PTPRD: variants seen among roughly 807,000 people sequenced by gnomAD.
PTPRD encodes protein tyrosine phosphatase receptor type D.
A neutral mutation model predicts 214.5 loss-of-function variants in PTPRD; 34 were observed. The ratio of observed to expected loss-of-function variants is 0.16; its 90% CI spans 0.12 to 0.21. The LOEUF is 0.21. Among genes scored for constraint, PTPRD ranks in the 10% least tolerant of loss-of-function variants. The pLI is 1.00. For synonymous variants in PTPRD, 1,128 were observed against 845.7 expected (o/e 1.33, Z -5.79); for missense variants, 2,545 against 2,398.7 (o/e 1.06, Z -1.27).
chr9:9,643,367 G>T (rs1226043665), intron 7 of PTPRD, among the ~76,000 whole-genome samples: 6 of 152,200 alleles, frequency 3.9e-5, no homozygotes, highest in African/African-American at 1.4e-4. Context: ...ATTAAAAAAA[G>T]AACATAGGGC....
chr9:8,934,305 C>G (rs148653582), intron 11 of PTPRD, among the ~76,000 whole-genome samples: 11 of 147,826 alleles, frequency 7.4e-5, no homozygotes, highest in Non-Finnish European at 1.3e-4. Flanking sequence ...CTTGAACTAC[C>G]GAAATCAAGC....
chr9:9,546,982 A>T (rs2078951770), intron 8 of PTPRD, among the ~76,000 whole-genome samples: 1 of 151,942 alleles, frequency 6.6e-6, no homozygotes, highest in South Asian at 2.1e-4. Flanking sequence ...AAAAAAAATA[A>T]AAATAAAAAG....
chr9:9,565,132 T>G (rs1326794729), intron 8 of PTPRD, among the ~76,000 whole-genome samples: 1 of 151,744 alleles, frequency 6.6e-6, no homozygotes, highest in African/African-American at 2.4e-5. Flanking sequence ...CTAATATGTG[T>G]AAAAGGTTTT....
intron 2 of PTPRD, among the ~76,000 whole-genome samples, chr9:10,519,778 T>C (rs1208738484): frequency 6.6e-6 from 1 of 152,130 alleles, no homozygotes; most frequent in Non-Finnish European, 1.5e-5. Flanking sequence ...AGAGAATCTT[T>C]GATGTTACTA....
intron 8 of PTPRD, among the ~76,000 whole-genome samples, chr9:9,565,320 T>C (rs1303579954): frequency 3.9e-5 from 6 of 151,938 alleles, no homozygotes; most frequent in Non-Finnish European, 8.8e-5. Flanking sequence ...AATTAACATT[T>C]ATAGACTATG....
chr9:10,185,961 GT>G (rs1256110058), intron 3 of PTPRD, among the ~76,000 whole-genome samples: 1 of 152,048 alleles, frequency 6.6e-6, no homozygotes, highest in Non-Finnish European at 1.5e-5. Flanking sequence ...AGAGCCTTTT[GT>G]TTGTCAACAT....
chr9:9,908,300 G>C (rs371770995), intron 5 of PTPRD, among the ~76,000 whole-genome samples: 54 of 151,970 alleles, frequency 3.6e-4, no homozygotes, highest in African/African-American at 1.2e-3. Context: ...CACACTAATA[G>C]TATCAATAGC....
At chr9:9,138,357 G>A (rs563234289) in intron 10 of PTPRD, among the ~76,000 whole-genome samples, 1 of 152,082 alleles carries the variant, frequency 6.6e-6, no homozygotes. Context: ...ACACAAAGAA[G>A]TTCTCAATGA....
chr9:9,101,079 G>A (rs2099790595), intron 10 of PTPRD, among the ~76,000 whole-genome samples: 1 of 132,700 alleles, frequency 7.5e-6, no homozygotes, highest in Admixed American at 8.3e-5. Context: ...TATGAAATCT[G>A]AACCAATTGG....
At chr9:9,332,624 G>C (rs1048008519) in intron 9 of PTPRD, among the ~76,000 whole-genome samples, 1 of 151,180 alleles carries the variant, frequency 6.6e-6, no homozygotes. Context: ...CTCTCCCCAG[G>C]ATTACGTTGT....
chr9:9,756,941 T>C (rs2098591613), intron 6 of PTPRD, among the ~76,000 whole-genome samples: 1 of 152,240 alleles, frequency 6.6e-6, no homozygotes, highest in Admixed American at 6.5e-5. Flanking sequence ...AATTACTTTT[T>C]CTGTGAAGCT....
chr9:9,914,857 G>C (rs1389535553), intron 5 of PTPRD, among the ~76,000 whole-genome samples: 3 of 152,040 alleles, frequency 2.0e-5, no homozygotes, highest in African/African-American at 7.3e-5. Flanking sequence ...TATGTCATGG[G>C]CCTGCAAAAC....
At chr9:10,603,048 G>C (rs1025300186) in intron 2 of PTPRD, among the ~76,000 whole-genome samples, 1 of 151,766 alleles carries the variant, frequency 6.6e-6, no homozygotes, top group African/African-American at 2.4e-5. Flanking sequence ...GTACAACAAG[G>C]TGTTTAAGGA....
intron 5 of PTPRD, among the ~76,000 whole-genome samples, chr9:9,862,118 T>A (rs530280763): frequency 6.6e-6 from 1 of 152,300 alleles, no homozygotes; most frequent in South Asian, 2.1e-4. Context: ...ACAAGATGGT[T>A]TGCTTCAAAA....
chr9:8,807,736 G>T (rs1414492924), intron 11 of PTPRD, among the ~76,000 whole-genome samples: 2 of 151,930 alleles, frequency 1.3e-5, no homozygotes, highest in South Asian at 4.2e-4. Context: ...TTCAGAACTT[G>T]ATCTTACTAA....
At chr9:9,321,813 T>G (rs993955370) in intron 9 of PTPRD, among the ~76,000 whole-genome samples, 1 of 152,118 alleles carries the variant, frequency 6.6e-6, no homozygotes, top group Non-Finnish European at 1.5e-5. Context: ...GAGGATTAAA[T>G]GAGATAATTC....
chr9:10,443,832 AT>A (rs1291657331), intron 2 of PTPRD, among the ~76,000 whole-genome samples: 1 of 148,160 alleles, frequency 6.7e-6, no homozygotes, highest in Non-Finnish European at 1.5e-5. Flanking sequence ...ACACAGAGCT[AT>A]TTACCTCAAA....
At chr9:8,733,469 A>C (rs986872913) in intron 12 of PTPRD, among the ~76,000 whole-genome samples, 12 of 152,164 alleles carry the variant, frequency 7.9e-5, no homozygotes, top group African/African-American at 2.4e-4. Context: ...CAACTGGTTA[A>C]CCTCAGTTTG....
intron 10 of PTPRD, among the ~76,000 whole-genome samples, chr9:9,042,706 A>C (rs1278467367): frequency 6.7e-6 from 1 of 149,448 alleles, no homozygotes; most frequent in Non-Finnish European, 1.5e-5. Context: ...CTGGTGGCAG[A>C]CATAATCCAT....
Sources: allele counts gnomAD v4.1 joint callset (sites outside exome capture counted in the v4.1 genomes callset), GRCh38; gene constraint gnomAD v4.1.1; transcripts MANE v1.5; gene names NCBI Gene and HGNC (gene_info 2026-07-23, HGNC 2026-07-21).